Variants in AGMO observed in about 807,000 individuals in gnomAD.
AGMO encodes glyceryl-ether monooxygenase.
AGMO carries 75 observed loss-of-function variants against 60.2 expected under a neutral mutation model. The ratio of observed to expected loss-of-function variants is 1.25; its 90% confidence interval spans 1.03 to 1.51. AGMO has a LOEUF of 1.51. Ranked by LOEUF, AGMO falls within the 40% of genes most tolerant of loss-of-function variation. The probability of loss-of-function intolerance (pLI) is 0.00; values close to 1 mark genes in which losing one functional copy is unlikely to be tolerated. For synonymous variants in AGMO, 261 were observed against 177.1 expected (o/e 1.47, Z -3.76); for missense variants, 763 against 525.5 (o/e 1.45, Z -4.42).
At chr7:15,195,371 T>C (rs1781090985), downstream of AGMO, among the ~76,000 whole-genome samples, 1 of 152,208 alleles carries the variant, frequency 6.6e-6, no homozygotes, top group African/African-American at 2.4e-5. Flanking sequence ...TCCGTGCCCC[T>C]GGTAAAGTGC....
chr7:15,273,770 C>T (rs1459326970), intron 12 of AGMO, among the ~76,000 whole-genome samples: 2 of 152,094 alleles, frequency 1.3e-5, no homozygotes, highest in Admixed American at 6.5e-5. Flanking sequence ...AATGTTCTTC[C>T]ATTTGTTTGT....
chr7:15,504,234 A>G (rs144434273), intron 3 of AGMO, among the ~76,000 whole-genome samples: 10 of 152,160 alleles, frequency 6.6e-5, no homozygotes, highest in Non-Finnish European at 1.2e-4. Flanking sequence ...TGTAAATGCT[A>G]TATCTTCTCC....
intron 12 of AGMO, among the ~76,000 whole-genome samples, chr7:15,235,734 A>C (rs1329168543): frequency 6.6e-6 from 1 of 152,150 alleles, no homozygotes; most frequent in Non-Finnish European, 1.5e-5. Context: ...ATGCCCAGAA[A>C]CCACACTGGT....
intron 10 of AGMO, among the ~76,000 whole-genome samples, chr7:15,375,349 C>G (rs890444916): frequency 6.7e-6 from 1 of 149,238 alleles, no homozygotes; most frequent in African/African-American, 2.5e-5. Context: ...TGTTAAAAGA[C>G]TGTTTCAGAG....
chr7:15,193,964 C>T, the AGMO span, among the ~76,000 whole-genome samples: 1 of 152,112 alleles, frequency 6.6e-6, no homozygotes, highest in African/African-American at 2.4e-5. Flanking sequence ...ATATACCTCT[C>T]TAAATACTAT....
At chr7:15,131,482 C>A in the AGMO span, among the ~76,000 whole-genome samples, 1 of 151,964 alleles carries the variant, frequency 6.6e-6, no homozygotes, top group Non-Finnish European at 1.5e-5. Context: ...GAAATAATGG[C>A]GTGGACACCC....
intron 3 of AGMO, among the ~76,000 whole-genome samples, chr7:15,462,377 C>G (rs1782165490): frequency 6.6e-6 from 1 of 152,048 alleles, no homozygotes; most frequent in East Asian, 1.9e-4. Context: ...GCATATAAAT[C>G]ATCAAATTTA....
intron 9 of AGMO, among the ~76,000 whole-genome samples, chr7:15,386,199 A>AAAG (rs59067203): frequency 0.71 from 108,177 of 151,570 alleles, 39,206 homozygotes; most frequent in African/African-American, 0.8. Context: ...AAAAGAAAAA[A>AAAG]AAGGTGATCT....
chr7:15,531,325 CTATATATATT>C (rs1388198446), intron 3 of AGMO, among the ~76,000 whole-genome samples: 253 of 12,140 alleles, frequency 0.021, 2 homozygotes, highest in African/African-American at 0.12. Context: ...TACATATATT[CTATATATATT>C]CTATATATAT....
chr7:15,439,595 C>T (rs1415497831), intron 3 of AGMO, among the ~76,000 whole-genome samples: 2 of 152,130 alleles, frequency 1.3e-5, no homozygotes, highest in Non-Finnish European at 2.9e-5. Flanking sequence ...TTCCATTGTC[C>T]TCTTACAGTG....
At chr7:15,473,493 T>C (rs1201349206) in intron 3 of AGMO, among the ~76,000 whole-genome samples, 3 of 151,382 alleles carry the variant, frequency 2.0e-5, no homozygotes, top group Non-Finnish European at 4.4e-5. Context: ...AATGTGAATA[T>C]CCTCAATAAA....
At chr7:15,145,461 T>A in the AGMO span, among the ~76,000 whole-genome samples, 1 of 152,104 alleles carries the variant, frequency 6.6e-6, no homozygotes, top group South Asian at 2.1e-4. Context: ...TTCATAAATA[T>A]GTAGATATGT....
Position 15,458,517 on chromosome 7 carries a change from A to C in AGMO, c.410-27409T>G, listed in dbSNP as rs548958125. Among the ~76,000 whole-genome samples the C allele has an allele frequency of 9.8e-5, 15 of 152,300 alleles. No individual in the cohort carries two copies. In the East Asian group the frequency reaches 2.5e-3, roughly 25 times the overall value. On this transcript the variant is annotated intron_variant, in intron 3 of 12. Coordinates refer to ENST00000342526, the MANE Select transcript of AGMO (RefSeq NM_001004320.2). Reference sequence around the variant, plus strand: ...ACATGGGATGTCTGTCTTATAAAGCAACAAATATAATATTTTACTTGTTTT... The same window carrying C: ...ACATGGGATGTCTGTCTTATAAAGCCACAAATATAATATTTTACTTGTTTT...
intron 3 of AGMO, among the ~76,000 whole-genome samples, chr7:15,444,909 A>G (rs1583559509): frequency 6.6e-6 from 1 of 152,102 alleles, no homozygotes; most frequent in East Asian, 1.9e-4. Flanking sequence ...TTTCTTGCTT[A>G]ATGGCATTAT....
chr7:15,335,363 C>T (rs1194738647), intron 12 of AGMO, among the ~76,000 whole-genome samples: 1 of 152,010 alleles, frequency 6.6e-6, no homozygotes, highest in South Asian at 2.1e-4. Flanking sequence ...CTTTTTTGAT[C>T]TAATTAAGTT....
the AGMO span, among the ~76,000 whole-genome samples, chr7:15,187,785 A>G: frequency 2.6e-5 from 4 of 152,248 alleles, no homozygotes; most frequent in South Asian, 4.1e-4. Context: ...AGAAGAGTCA[A>G]GAAAGGGCTT....
At chr7:15,120,921 G>A in the AGMO span, among the ~76,000 whole-genome samples, 1 of 152,054 alleles carries the variant, frequency 6.6e-6, no homozygotes, top group East Asian at 1.9e-4. Context: ...CGTCTTCCAG[G>A]TTTTAAGCCC....
At chr7:15,399,224 A>T (rs1371753516) in intron 5 of AGMO, among the ~76,000 whole-genome samples, 1 of 152,156 alleles carries the variant, frequency 6.6e-6, no homozygotes, top group South Asian at 2.1e-4. Context: ...GGGGTTCAGA[A>T]AGTCAGGAAG....
intron 3 of AGMO, among the ~76,000 whole-genome samples, chr7:15,472,281 T>C (rs1782468748): frequency 6.6e-6 from 1 of 151,914 alleles, no homozygotes; most frequent in Non-Finnish European, 1.5e-5. Context: ...TTCTAATGAA[T>C]TCATTGAGTA....
Sources: allele counts gnomAD v4.1 joint callset (sites outside exome capture counted in the v4.1 genomes callset), GRCh38; gene constraint gnomAD v4.1.1; transcripts MANE v1.5; gene names NCBI Gene and HGNC (gene_info 2026-07-23, HGNC 2026-07-21).